KCNK15: variants seen among roughly 807,000 people sequenced by gnomAD.
The protein encoded by KCNK15 is potassium two pore domain channel subfamily K member 15, also known as potassium channel subfamily K member 15.
KCNK15 carries 9 observed loss-of-function variants against 8.5 expected under a neutral mutation model. The ratio of observed to expected loss-of-function variants is 1.06; its 90% CI spans 0.64 to 1.85. The LOEUF is 1.85. KCNK15 is among the 40% of genes most tolerant of loss of function. The pLI, the probability that KCNK15 is intolerant of heterozygous loss-of-function variation, is 0.00. For synonymous variants in KCNK15, 224 were observed against 232.7 expected (o/e 0.96, Z 0.34); for missense variants, 467 against 476.8 (o/e 0.98, Z 0.19).
At position 44,750,364 on chromosome 20, in the gene KCNK15, C is replaced by T. The variant is rs777664497; in HGVS notation, c.519C>T (p.Leu173=). ...TGGCGTGTGCCGCCACCCTGGCCCT[C>T]GGGGCCGTCGCCTTCTCGCACTTCG... The part of the protein sequence containing the change: ...GLLACAATLA[L]GAVAFSHFEG... The change falls in exon 2 of 2, where the codon CTC becomes CTT. Residue 173 remains leucine (L), a synonymous_variant. Transcript: ENST00000372861. 6.2e-7 allele frequency: 1 copy of T among 1,613,340 alleles called. No homozygotes were observed. Among genetic ancestry groups the T allele is most frequent in the Non-Finnish European group, 8.5e-7 (1 of 1,179,782 alleles).
chr20:44,749,122 A>G (rs893759174), intron 1 of KCNK15, among the ~76,000 whole-genome samples: 3 of 152,166 alleles, frequency 2.0e-5, no homozygotes, highest in Non-Finnish European at 2.9e-5. Context: ...CTAACTTCCT[A>G]ACTGTGGAAC....
intron 1 of KCNK15, 120 bp from the exon 2 acceptor site, chr20:44,750,009 G>T: frequency 1.2e-6 from 1 of 864,624 alleles, no homozygotes; most frequent in Non-Finnish European, 1.7e-6. Context: ...ACTAGTATTT[G>T]GAGATGCCCT....
At chr20:44,747,131 T>C (rs1193002678) in intron 1 of KCNK15, 1 of 152,238 alleles carries the variant, frequency 6.6e-6, no homozygotes, top group Non-Finnish European at 1.5e-5. Flanking sequence ...AGTTTCCCCA[T>C]AATGCTCTTG....
At position 44,750,435 on chromosome 20, in the gene KCNK15, T is replaced by C; in HGVS notation, c.590T>C (p.Leu197Pro). 6.8e-6 allele frequency: 11 copies of C among 1,614,000 alleles called. No homozygotes were observed. Among genetic ancestry groups the C allele is most frequent in the Non-Finnish European group, 9.3e-6 (11 of 1,179,912 alleles). ...FHAYYYCFIT[L>P]TTIGFGDFVA... is the part of the protein sequence containing the mutation. The stretch of plus-strand genomic sequence containing the variant: ...GCCTACTACTACTGCTTCATCACCC[T>C]CACCACCATCGGCTTCGGCGACTTC... The change falls in exon 2 of 2, where the codon CTC becomes CCC. Residue 197 changes from leucine to proline, a missense_variant. Coordinates refer to ENST00000372861, the MANE Select transcript of KCNK15 (RefSeq NM_022358.4).
Sources: allele counts gnomAD v4.1 joint callset (sites outside exome capture counted in the v4.1 genomes callset), GRCh38; gene constraint gnomAD v4.1.1; transcripts MANE v1.5; gene names NCBI Gene and HGNC (gene_info 2026-07-23, HGNC 2026-07-21).